Variants in CSMD3 observed in about 807,000 individuals in gnomAD.
CSMD3 encodes CUB and sushi domain-containing protein 3.
In CSMD3, 177 loss-of-function variants were observed where a neutral mutation model predicts 435.2. The ratio of observed to expected loss-of-function variants is 0.41; its 90% CI spans 0.36 to 0.46. The LOEUF (loss-of-function observed/expected upper bound fraction) is 0.46. Ranked by LOEUF, CSMD3 falls within the 20% of genes least tolerant of loss-of-function variation. The probability of loss-of-function intolerance (pLI) is 0.34; values close to 1 mark genes in which losing one functional copy is unlikely to be tolerated. For synonymous variants in CSMD3, 1,656 were observed against 1,520.5 expected, an observed-to-expected ratio of 1.09 and a Z score of -2.07; for missense variants, 4,265 against 4,504.6, an observed-to-expected ratio of 0.95 and a Z score of 1.52.
In CSMD3 at chr8:112,912,250, C is replaced by T. The variant is rs2082442415; in HGVS notation, c.1633+9377G>A. Among the ~76,000 whole-genome samples the T allele has an allele frequency of 3.3e-5, 5 of 150,284 alleles. No individual in the cohort carries two copies. The South Asian group carries it at 1.0e-3, about 31-fold the overall frequency. The stretch of plus-strand genomic sequence containing the variant: ...ATGTAGATATGTCTTGGACATACTG[C>T]TTTCATTTTTTTTTGGATAAATATC... On this transcript the variant is annotated intron_variant, in intron 10 of 70. Transcript: ENST00000297405.
chr8:113,141,996 A>G (rs1389750738), intron 4 of CSMD3, among the ~76,000 whole-genome samples: 3 of 151,156 alleles, frequency 2.0e-5, no homozygotes, highest in Non-Finnish European at 4.5e-5. Flanking sequence ...GCAGATATTT[A>G]AATTTAAAAA....
In CSMD3 at chr8:112,290,996, C is replaced by T. The variant is rs548120415; in HGVS notation, c.8974+514G>A. ...TCCTATCATAACATATAACAAAATG[C>T]ACTTATTAGATATTCACTGACTAGA... On this transcript the variant is annotated intron_variant, in intron 56 of 70. Coordinates refer to ENST00000297405, the MANE Select transcript of CSMD3 (RefSeq NM_198123.2). Among the ~76,000 whole-genome samples the T allele has an allele frequency of 2.0e-5, 3 of 152,058 alleles. No homozygotes were observed. In the South Asian group the frequency reaches 6.2e-4, roughly 32 times the overall value.
At chr8:112,525,752 A>ATATATATATATATATATATT (rs2131039227) in intron 27 of CSMD3, among the ~76,000 whole-genome samples, 1 of 104,070 alleles carries the variant, frequency 9.6e-6, no homozygotes, top group East Asian at 3.3e-4. Context: ...ATATATATAC[A>ATATATATATATATATATATT]TATATATATA....
intron 16 of CSMD3, among the ~76,000 whole-genome samples, chr8:112,674,882 A>G (rs1004680728): frequency 2.6e-5 from 4 of 152,130 alleles, no homozygotes; most frequent in Admixed American, 6.6e-5. Flanking sequence ...TGAAAAACCA[A>G]ACAACTTATA....
At chr8:112,921,943 A>T (rs1238222633) in intron 9 of CSMD3, among the ~76,000 whole-genome samples, 192 bp from the exon 10 acceptor site, 1 of 152,116 alleles carries the variant, frequency 6.6e-6, no homozygotes, top group Admixed American at 6.6e-5. Flanking sequence ...TTGTTAATAG[A>T]TGTAGAACGA....
At chr8:112,855,449 CTG>C (rs2080621288) in intron 11 of CSMD3, among the ~76,000 whole-genome samples, 1 of 152,052 alleles carries the variant, frequency 6.6e-6, no homozygotes, top group African/African-American at 2.4e-5. Flanking sequence ...AATGGAAAAA[CTG>C]TAAAATCAAT....
chr8:112,607,584 A>G (rs1214702291), intron 22 of CSMD3, among the ~76,000 whole-genome samples: 4 of 152,122 alleles, frequency 2.6e-5, no homozygotes, highest in East Asian at 1.9e-4. Context: ...TCCTAAAAAA[A>G]TTTTAACAAA....
chr8:112,291,115 G>A (rs1318001894), intron 56 of CSMD3, among the ~76,000 whole-genome samples: 1 of 151,926 alleles, frequency 6.6e-6, no homozygotes, highest in Non-Finnish European at 1.5e-5. Context: ...TCACACCTTT[G>A]TGTAAATCTT....
intron 3 of CSMD3, among the ~76,000 whole-genome samples, chr8:113,252,694 A>G (rs1241355478): frequency 6.6e-6 from 1 of 152,196 alleles, no homozygotes; most frequent in East Asian, 1.9e-4. Context: ...AAAGAAAATT[A>G]TTACATTTAA....
At chr8:113,129,552 C>T (rs988905625) in intron 4 of CSMD3, among the ~76,000 whole-genome samples, 1 of 152,066 alleles carries the variant, frequency 6.6e-6, no homozygotes, top group African/African-American at 2.4e-5. Context: ...TATTGATAGC[C>T]TGTTAAAACC....
chr8:112,730,773 G>A (rs554529719), intron 13 of CSMD3, among the ~76,000 whole-genome samples: 1 of 152,098 alleles, frequency 6.6e-6, no homozygotes, highest in South Asian at 2.1e-4. Context: ...TCTGTGATGG[G>A]CACGAAACAC....
chr8:113,245,116 C>T (rs2093262134), intron 3 of CSMD3, among the ~76,000 whole-genome samples: 2 of 151,994 alleles, frequency 1.3e-5, no homozygotes, highest in African/African-American at 4.8e-5. Context: ...GTTGGCATGG[C>T]ATATATAGTT....
chr8:112,774,270 C>A (rs2078193021), intron 13 of CSMD3, among the ~76,000 whole-genome samples: 2 of 151,894 alleles, frequency 1.3e-5, no homozygotes, highest in African/African-American at 2.4e-5. Context: ...TAATTGCCAC[C>A]AAATCTATCA....
At chr8:112,974,985 T>A (rs2084792704) in intron 7 of CSMD3, among the ~76,000 whole-genome samples, 1 of 151,962 alleles carries the variant, frequency 6.6e-6, no homozygotes, top group Non-Finnish European at 1.5e-5. Flanking sequence ...AATTAATTAA[T>A]GTTCTTACAG....
At chr8:113,294,492 T>C (rs2093705770) in intron 2 of CSMD3, among the ~76,000 whole-genome samples, 1 of 152,102 alleles carries the variant, frequency 6.6e-6, no homozygotes, top group Admixed American at 6.6e-5. Flanking sequence ...AGTCAGAAAT[T>C]AGGCCACTTT....
chr8:112,489,205 G>T (rs1331777443), intron 31 of CSMD3, among the ~76,000 whole-genome samples: 2 of 152,020 alleles, frequency 1.3e-5, no homozygotes, highest in Non-Finnish European at 2.9e-5. Flanking sequence ...ATCACTTGAG[G>T]CCAGTAGTTC....
intron 13 of CSMD3, among the ~76,000 whole-genome samples, chr8:112,792,488 T>C (rs2078716066): frequency 6.6e-6 from 1 of 152,150 alleles, no homozygotes; most frequent in Non-Finnish European, 1.5e-5. Context: ...ACCTAATTCT[T>C]TCCCAAAGGC....
chr8:112,959,227 T>C (rs769297655), intron 7 of CSMD3, among the ~76,000 whole-genome samples: 3 of 152,062 alleles, frequency 2.0e-5, no homozygotes, highest in Non-Finnish European at 2.9e-5. Context: ...ACTTTCATGT[T>C]TGCATGGGGC....
Position 112,722,507 on chromosome 8 carries a change from A to C in CSMD3, c.1973-32457T>G, listed in dbSNP as rs2076880316. On this transcript the variant is annotated intron_variant, in intron 13 of 70. Coordinates refer to ENST00000297405, the MANE Select transcript of CSMD3 (RefSeq NM_198123.2). ...GCACCCTACTTTCAAATTGTTATGC[A>C]AAAATAAACGAATAAGCAAATAAAG... Among the ~76,000 whole-genome samples the C allele has an allele frequency of 2.0e-5, 3 of 152,160 alleles. No homozygotes were observed. In the South Asian group the frequency reaches 6.2e-4, roughly 32 times the overall value.
Sources: gnomAD v4.1 joint callset for allele counts (sites outside exome capture counted in the v4.1 genomes callset) on GRCh38, gnomAD v4.1.1 for gene constraint, MANE v1.5 for transcripts, NCBI Gene and HGNC (gene_info 2026-07-23, HGNC 2026-07-21) for gene names.